The following LARGE1 variants were observed in gnomAD, a reference collection of about 807,000 sequenced individuals.
LARGE1 encodes xylosyl- and glucuronyltransferase LARGE1.
In LARGE1, 43 loss-of-function variants were observed where a neutral mutation model predicts 87.6. The ratio of observed to expected loss-of-function variants is 0.49; its 90% CI spans 0.38 to 0.63. LARGE1 has a LOEUF of 0.63. Among genes scored for constraint, LARGE1 ranks in the 30% least tolerant of loss-of-function variants. LARGE1 has a pLI of 0.00. For missense variants in LARGE1, 802 were observed against 1,000.2 expected (o/e 0.80, Z 2.67); for synonymous variants, 434 against 394.6 (o/e 1.10, Z -1.18).
At chr22:33,666,547 A>C (rs1322744617) in intron 2 of LARGE1, among the ~76,000 whole-genome samples, 4 of 152,198 alleles carry the variant, frequency 2.6e-5, no homozygotes, top group Non-Finnish European at 5.9e-5. Context: ...TGTAGCCTAC[A>C]AAACAGAAAG....
intron 2 of LARGE1, among the ~76,000 whole-genome samples, chr22:33,735,067 T>C (rs2083606151): frequency 6.6e-6 from 1 of 152,192 alleles, no homozygotes; most frequent in Non-Finnish European, 1.5e-5. Context: ...AAAAGCTCTC[T>C]GCCCTGCCTA....
the LARGE1 span, among the ~76,000 whole-genome samples, chr22:33,149,185 C>T: frequency 1.3e-5 from 2 of 150,062 alleles, no homozygotes; most frequent in South Asian, 2.2e-4. Context: ...TACAGGCGCC[C>T]GTCACCATGC....
At chr22:33,275,809 C>G (rs759246687) in intron 14 of LARGE1, among the ~76,000 whole-genome samples, 1 of 152,236 alleles carries the variant, frequency 6.6e-6, no homozygotes, top group Non-Finnish European at 1.5e-5. Context: ...AATTAACTTT[C>G]TTTGAACTAG....
intron 6 of LARGE1, among the ~76,000 whole-genome samples, chr22:33,476,906 G>T (rs1268248475): frequency 1.3e-5 from 2 of 152,122 alleles, no homozygotes; most frequent in African/African-American, 4.8e-5. Flanking sequence ...GACATGACTC[G>T]GATGTGAGTC....
chr22:33,162,605 C>G (rs1922069948), exon 12 of LARGE1: 1 of 152,254 alleles, frequency 6.6e-6, no homozygotes, highest in African/African-American at 2.4e-5. Flanking sequence ...ATCAACTTTG[C>G]TGGCAAGGAA....
chr22:33,132,074 C>T, the LARGE1 span, among the ~76,000 whole-genome samples: 1 of 152,010 alleles, frequency 6.6e-6, no homozygotes, highest in Non-Finnish European at 1.5e-5. Context: ...CACCAGGTTC[C>T]TCCCATGACA....
At chr22:33,366,810 C>CT (rs372743462) in intron 9 of LARGE1, among the ~76,000 whole-genome samples, 31 of 151,558 alleles carry the variant, frequency 2.0e-4, no homozygotes, top group East Asian at 1.5e-3. Flanking sequence ...GACTAATGCA[C>CT]TTTTTTTTTG....
At chr22:33,462,705 CAG>C (rs2068430023) in intron 6 of LARGE1, among the ~76,000 whole-genome samples, 1 of 152,120 alleles carries the variant, frequency 6.6e-6, no homozygotes, top group East Asian at 1.9e-4. Context: ...TGCTTGAGCC[CAG>C]GAGGCAGAGG....
intron 6 of LARGE1, among the ~76,000 whole-genome samples, chr22:33,469,142 A>T (rs911689333): frequency 6.6e-6 from 1 of 152,220 alleles, no homozygotes; most frequent in African/African-American, 2.4e-5. Context: ...TTCTCAAAGA[A>T]ATTAGAACTA....
the LARGE1 span, among the ~76,000 whole-genome samples, chr22:33,151,180 C>A: frequency 6.6e-6 from 1 of 151,950 alleles, no homozygotes; most frequent in Admixed American, 6.6e-5. Flanking sequence ...TTTCATTAGA[C>A]GTTTATGTAA....
chr22:33,642,614 T>C (rs1382874181), intron 3 of LARGE1, among the ~76,000 whole-genome samples: 2 of 148,956 alleles, frequency 1.3e-5, no homozygotes. Flanking sequence ...TCAAGACCCA[T>C]CAGTGTGCTG....
chr22:33,817,475 G>A (rs1401643061), intron 1 of LARGE1, among the ~76,000 whole-genome samples: 1 of 152,038 alleles, frequency 6.6e-6, no homozygotes, highest in Non-Finnish European at 1.5e-5. Context: ...GACCCGTGGG[G>A]CAGACCCCAC....
chr22:33,389,033 G>A (rs1229887148), intron 7 of LARGE1, among the ~76,000 whole-genome samples: 1 of 152,244 alleles, frequency 6.6e-6, no homozygotes, highest in African/African-American at 2.4e-5. Context: ...CTTATGAAGA[G>A]AGCTCACAGG....
chr22:33,843,444 T>C (rs535341015), intron 1 of LARGE1, among the ~76,000 whole-genome samples: 1 of 148,718 alleles, frequency 6.7e-6, no homozygotes, highest in Admixed American at 6.7e-5. Flanking sequence ...CTCAAAAAAA[T>C]AAATAAATAA....
intron 11 of LARGE1, among the ~76,000 whole-genome samples, chr22:33,248,251 G>A (rs575937144): frequency 1.3e-4 from 20 of 152,204 alleles, no homozygotes; most frequent in African/African-American, 4.6e-4. Context: ...GCAGTGGTGT[G>A]TTCTCGGCTC....
intron 9 of LARGE1, among the ~76,000 whole-genome samples, chr22:33,341,173 G>A (rs1036981607): frequency 2.0e-5 from 3 of 152,070 alleles, no homozygotes; most frequent in African/African-American, 4.8e-5. Context: ...GTGGATTAGC[G>A]CCCTTAGAAA....
chr22:33,150,203 G>T, the LARGE1 span, among the ~76,000 whole-genome samples: 2 of 152,158 alleles, frequency 1.3e-5, no homozygotes, highest in African/African-American at 4.8e-5. Flanking sequence ...TGTTCATCGT[G>T]ATTGCTTCCT....
chr22:33,814,209 A>G (rs1426977829), intron 1 of LARGE1, among the ~76,000 whole-genome samples: 3 of 152,194 alleles, frequency 2.0e-5, no homozygotes, highest in Non-Finnish European at 4.4e-5. Flanking sequence ...AAGTGCCTCT[A>G]TCACTCAAAT....
intron 1 of LARGE1, among the ~76,000 whole-genome samples, chr22:33,859,121 A>G (rs1333692827): frequency 6.6e-6 from 1 of 152,170 alleles, no homozygotes; most frequent in Non-Finnish European, 1.5e-5. Context: ...GCAAACCACC[A>G]TGGCACATGT....
Sources: allele counts gnomAD v4.1 joint callset (sites outside exome capture counted in the v4.1 genomes callset), GRCh38; gene constraint gnomAD v4.1.1; transcripts MANE v1.5; gene names NCBI Gene and HGNC (gene_info 2026-07-23, HGNC 2026-07-21).